Variants in KIF1B observed in about 807,000 individuals in gnomAD.
The protein encoded by KIF1B is kinesin family member 1B, also known as kinesin-like protein KIF1B.
Under a neutral mutation model 241.9 loss-of-function variants are expected in KIF1B, and 76 were observed. The ratio of observed to expected loss-of-function variants is 0.31; its 90% CI spans 0.26 to 0.38. KIF1B has a LOEUF of 0.38. KIF1B is among the 10% of genes least tolerant of loss of function. The pLI is 1.00. For missense variants in KIF1B, 1,622 were observed against 2,271.4 expected (o/e 0.71, Z 5.81); for synonymous variants, 750 against 796.7 (o/e 0.94, Z 0.99).
intron 17 of KIF1B, among the ~76,000 whole-genome samples, chr1:10,292,950 GGTTCT>G (rs529869222): frequency 3.3e-5 from 5 of 152,140 alleles, no homozygotes; most frequent in Non-Finnish European, 7.3e-5. Context: ...TTTATTCATA[GGTTCT>G]GTTGATGATC....
At chr1:10,240,832 G>A (rs1170808180) in intron 2 of KIF1B, among the ~76,000 whole-genome samples, 1 of 147,664 alleles carries the variant, frequency 6.8e-6, no homozygotes, top group Non-Finnish European at 1.5e-5. Flanking sequence ...CTAAAATGCT[G>A]GTATTACAAG....
In KIF1B at chr1:10,343,483, C is replaced by T. The variant is rs759550333; in HGVS notation, c.3688+196C>T. On this transcript the variant is annotated intron_variant, in intron 34 of 48. Coordinates refer to ENST00000676179, the MANE Select transcript of KIF1B (RefSeq NM_001365951.3). ...TTTAAAATAAGAAGTAAAGGCTGGG[C>T]GCGGTGGCTCATGCCTGTAATCCCA... is the stretch of plus-strand genomic sequence containing the variant. 2.5e-4 allele frequency among the ~76,000 whole-genome samples: 38 copies of T among 152,220 alleles called. 1 individual carries two copies. The highest frequency in any genetic ancestry group is 3.6e-4 in the African/African-American group (15 of 41,510).
In KIF1B at chr1:10,377,704, C is replaced by T. The variant is rs182518399; in HGVS notation, c.*1117C>T. 208 of 188,212 alleles carry T rather than the reference C, an allele frequency of 1.1e-3. 2 individuals carry two copies. The East Asian group carries it at 0.017, about 16-fold the overall frequency. 11.7% of individuals were successfully genotyped at this position (188,212 alleles called of 1,614,324 possible). Reference sequence around the variant, plus strand: ...CTGTAATCCAAGCACTTGGGGAGGCCGAGGCGGGCAGATCACGAGATCAGG... The same window carrying T: ...CTGTAATCCAAGCACTTGGGGAGGCTGAGGCGGGCAGATCACGAGATCAGG... On this transcript the variant is annotated 3_prime_UTR_variant, in exon 49 of 49. Transcript: ENST00000676179.
chr1:10,360,739 G>A (rs1638398605), intron 38 of KIF1B, among the ~76,000 whole-genome samples, 190 bp from the exon 39 acceptor site: 1 of 152,012 alleles, frequency 6.6e-6, no homozygotes, highest in Non-Finnish European at 1.5e-5. Context: ...GGTGGGGTTG[G>A]GAGCAAGAGG....
At chr1:10,291,729 A>G (rs552515836) in intron 16 of KIF1B, among the ~76,000 whole-genome samples, 4 of 151,780 alleles carry the variant, frequency 2.6e-5, no homozygotes, top group South Asian at 2.1e-4. Context: ...AAAAAGGAAT[A>G]GCCTCTTCTT....
intron 1 of KIF1B, among the ~76,000 whole-genome samples, chr1:10,216,864 T>G (rs1646773485): frequency 6.6e-6 from 1 of 151,842 alleles, no homozygotes; most frequent in African/African-American, 2.4e-5. Context: ...GAGGTTACTC[T>G]GTCTTGGCCT....
chr1:10,289,715 A>G (rs1405049079), intron 15 of KIF1B, among the ~76,000 whole-genome samples: 1 of 152,022 alleles, frequency 6.6e-6, no homozygotes, highest in Admixed American at 6.5e-5. Context: ...GAAACCTCAT[A>G]TCTACTAAAA....
In KIF1B at chr1:10,275,690, G is replaced by A. The variant is rs184668583; in HGVS notation, c.958+187G>A. Among the ~76,000 whole-genome samples, 95 of 152,088 alleles carry A rather than the reference G, an allele frequency of 6.2e-4. 1 individual carries two copies. The highest frequency in any genetic ancestry group is 2.2e-3 in the African/African-American group (91 of 41,480). ...TTGGATTCCCTTGGTTTTAAGCCAG[G>A]GTATACTCCCATATCTCATTTTCTT... On this transcript the variant is annotated intron_variant, in intron 11 of 48. Transcript: ENST00000676179.
At chr1:10,362,810 C>T (rs999827630) in intron 40 of KIF1B, among the ~76,000 whole-genome samples, 1 of 151,996 alleles carries the variant, frequency 6.6e-6, no homozygotes, top group East Asian at 1.9e-4. Context: ...GTGGCTTATG[C>T]CTATAATCTC....
In KIF1B at chr1:10,374,336, G is replaced by A. The variant is rs373439616; in HGVS notation, c.4967G>A (p.Arg1656Gln). 275 of 1,613,828 alleles carry A rather than the reference G, an allele frequency of 1.7e-4. 1 individual carries two copies. The highest frequency in any genetic ancestry group is 1.6e-4 in the Middle Eastern group (1 of 6,084). ...LDQKTPEANS[R>Q]ASSPCPEFEQ... ...TAAAGGACCCCAGAAGCCAATTCCC[G>A]GGCCTCTAGTCCCTGCCCAGAATTT... Residue 1656 changes from arginine to glutamine, a missense_variant, in exon 46 of 49, where the codon CGG becomes CAG. Transcript: ENST00000676179. The surrounding 1 kb of genome is among the most constrained non-coding windows in gnomAD (Gnocchi z 4.3).
At chr1:10,213,888 G>A (rs1646728006) in intron 1 of KIF1B, among the ~76,000 whole-genome samples, 1 of 151,996 alleles carries the variant, frequency 6.6e-6, no homozygotes, top group African/African-American at 2.4e-5. Flanking sequence ...TGTAATCCCA[G>A]TGCTTTGGGA....
intron 2 of KIF1B, among the ~76,000 whole-genome samples, chr1:10,248,826 GA>G (rs1352705841): frequency 3.3e-5 from 5 of 152,162 alleles, no homozygotes; most frequent in African/African-American, 1.2e-4. Context: ...AAAAGCCAAA[GA>G]TGGCTCCCAG....
At chr1:10,371,875 G>A (rs1045620811) in intron 45 of KIF1B, among the ~76,000 whole-genome samples, 2 of 152,130 alleles carry the variant, frequency 1.3e-5, no homozygotes, top group Admixed American at 1.3e-4. Context: ...CAAGGTTGCA[G>A]TGAGGTTTTA....
intron 2 of KIF1B, among the ~76,000 whole-genome samples, chr1:10,256,029 G>A (rs1287376930): frequency 1.3e-5 from 2 of 150,140 alleles, no homozygotes; most frequent in African/African-American, 4.9e-5. Flanking sequence ...GGGTGGTCTT[G>A]AACTCCTGAC....
chr1:10,276,976 G>C (rs1649147223), intron 12 of KIF1B, among the ~76,000 whole-genome samples: 1 of 152,002 alleles, frequency 6.6e-6, no homozygotes, highest in African/African-American at 2.4e-5. Context: ...AGCTACTCAG[G>C]AGGCTGAGGC....
chr1:10,370,019 C>T (rs377335889), intron 44 of KIF1B, among the ~76,000 whole-genome samples: 71 of 152,190 alleles, frequency 4.7e-4, no homozygotes, highest in African/African-American at 4.8e-4. Flanking sequence ...TTTGGGAGGC[C>T]GAGGTGGGCG....
rs546545576 is a variant in KIF1B, at chr1:10,316,564, G to A, written c.2116-3479G>A. ...AGCCCAGGCTGGAGTACAGTGGCACGATCTCGGCTCACTGCACCCTCCGCC... is the reference window on the plus strand; with the variant it reads ...AGCCCAGGCTGGAGTACAGTGGCACAATCTCGGCTCACTGCACCCTCCGCC... On this transcript the variant is annotated intron_variant, in intron 22 of 48. Transcript: ENST00000676179. Among the ~76,000 whole-genome samples the A allele has an allele frequency of 2.0e-5, 3 of 151,022 alleles. No homozygotes were observed. The East Asian group carries it at 5.9e-4, about 29-fold the overall frequency.
At chr1:10,323,463 A>T (rs969313798) in intron 24 of KIF1B, among the ~76,000 whole-genome samples, 6 of 152,080 alleles carry the variant, frequency 3.9e-5, no homozygotes, top group African/African-American at 1.4e-4. Flanking sequence ...TCTACAAAAA[A>T]TTTTTAAAAA....
chr1:10,256,736 G>T (rs1026856106), intron 3 of KIF1B, among the ~76,000 whole-genome samples: 1 of 151,108 alleles, frequency 6.6e-6, no homozygotes, highest in Non-Finnish European at 1.5e-5. Context: ...TTCTGAGACG[G>T]AGTCTCACTC....
Sources: allele counts gnomAD v4.1 joint callset (sites outside exome capture counted in the v4.1 genomes callset), GRCh38; gene constraint gnomAD v4.1.1; non-coding constraint Gnocchi (gnomAD v3.1); transcripts MANE v1.5; gene names NCBI Gene and HGNC (gene_info 2026-07-23, HGNC 2026-07-21).